GALNTL6: variants seen among roughly 807,000 people sequenced by gnomAD.
The protein encoded by GALNTL6 is polypeptide N-acetylgalactosaminyltransferase-like 6.
Under a neutral mutation model 73.7 loss-of-function variants are expected in GALNTL6, and 46 were observed. The observed-to-expected ratio is 0.62, with a 90% CI of 0.49 to 0.80. The LOEUF (loss-of-function observed/expected upper bound fraction) is 0.80, where lower values mean the gene tolerates loss of function less well. Among genes scored for constraint, GALNTL6 ranks in the 30% least tolerant of loss-of-function variants. The probability of loss-of-function intolerance (pLI) is 0.00; values close to 1 mark genes in which losing one functional copy is unlikely to be tolerated. For missense variants in GALNTL6, 604 were observed against 755.0 expected (o/e 0.80, Z 2.34); for synonymous variants, 259 against 263.7 (o/e 0.98, Z 0.17).
chr4:173,017,628 A>T (rs1752835881), intron 11 of GALNTL6, among the ~76,000 whole-genome samples: 1 of 152,226 alleles, frequency 6.6e-6, no homozygotes, highest in African/African-American at 2.4e-5. Flanking sequence ...AAAGTAATTG[A>T]TATAATCTGA....
At chr4:172,752,671 G>C (rs902262075) in intron 5 of GALNTL6, among the ~76,000 whole-genome samples, 1 of 151,942 alleles carries the variant, frequency 6.6e-6, no homozygotes, top group Non-Finnish European at 1.5e-5. Flanking sequence ...AGTCCCAGAA[G>C]TGGAATAACT....
chr4:172,224,128 A>G (rs756270930), intron 2 of GALNTL6, among the ~76,000 whole-genome samples: 1 of 152,202 alleles, frequency 6.6e-6, no homozygotes, highest in Non-Finnish European at 1.5e-5. Flanking sequence ...AATAGCAGGG[A>G]TGATGAAAAC....
Position 172,334,133 on chromosome 4 carries a change from ACTC to A in GALNTL6, c.387-14389_387-14387del, listed in dbSNP as rs543832701. 7.9e-4 allele frequency among the ~76,000 whole-genome samples: 120 copies of A among 151,794 alleles called. 2 individuals are homozygous for A. In the South Asian group the frequency reaches 0.016, roughly 20 times the overall value. On this transcript the variant is annotated intron_variant, in intron 4 of 12. Transcript: ENST00000506823. Reference sequence around the variant, plus strand: ...ACTTTACTCTACTCTACTCTACTCTACTCTACTTTGGTTACTATAGCCTTGTAA... The same window carrying A: ...ACTTTACTCTACTCTACTCTACTCTATACTTTGGTTACTATAGCCTTGTAA...
chr4:172,754,061 G>C (rs987998551), intron 5 of GALNTL6, among the ~76,000 whole-genome samples: 1 of 152,130 alleles, frequency 6.6e-6, no homozygotes, highest in African/African-American at 2.4e-5. Flanking sequence ...TTTACATAAG[G>C]ATTTAAATTT....
intron 4 of GALNTL6, among the ~76,000 whole-genome samples, chr4:172,325,943 C>T (rs1167721140): frequency 1.3e-5 from 2 of 151,688 alleles, no homozygotes; most frequent in Non-Finnish European, 3.0e-5. Context: ...AAATATTTAT[C>T]GAAACAGACC....
At chr4:172,381,833 C>G (rs1182331510) in intron 5 of GALNTL6, among the ~76,000 whole-genome samples, 5 of 152,120 alleles carry the variant, frequency 3.3e-5, no homozygotes, top group Non-Finnish European at 5.9e-5. Context: ...TGAAGAAAAT[C>G]ATTTTATTTA....
intron 2 of GALNTL6, among the ~76,000 whole-genome samples, chr4:171,923,711 G>T (rs960833268): frequency 6.6e-6 from 1 of 150,440 alleles, no homozygotes; most frequent in African/African-American, 2.4e-5. Context: ...TTTTAAAAAG[G>T]CTTACTGGAA....
rs964324869 is a variant in GALNTL6 at position 173,040,226 on chromosome 4, T to A, written c.*126T>A. ...GAAGGCTGGTTTAAAAATTTGCAAA[T>A]GCCATGTCAAAGTAGGTTGTTTTGA... On this transcript the variant is annotated 3_prime_UTR_variant, in exon 13 of 13. Transcript: ENST00000506823. 18 of 652,514 alleles carry A rather than the reference T, an allele frequency of 2.8e-5. No individual in the cohort carries two copies. Among genetic ancestry groups the A allele is most frequent in the Non-Finnish European group, 4.5e-5 (18 of 400,346 alleles). The allele number at this position is 652,514 out of a possible 1,614,324, so 40.4% of individuals were successfully genotyped here.
intron 3 of GALNTL6, among the ~76,000 whole-genome samples, chr4:172,246,455 GAC>G (rs1737663120): frequency 6.6e-6 from 1 of 151,980 alleles, no homozygotes; most frequent in African/African-American, 2.4e-5. Flanking sequence ...TACAAACAAA[GAC>G]ATTATTGGAT....
At chr4:172,450,449 C>A (rs1275456847) in intron 5 of GALNTL6, among the ~76,000 whole-genome samples, 1 of 152,216 alleles carries the variant, frequency 6.6e-6, no homozygotes, top group Non-Finnish European at 1.5e-5. Context: ...TCATCTTTCA[C>A]TGAACTGCTG....
chr4:172,514,725 G>A (rs756040759), intron 5 of GALNTL6, among the ~76,000 whole-genome samples: 6 of 152,152 alleles, frequency 3.9e-5, no homozygotes, highest in African/African-American at 1.2e-4. Flanking sequence ...TGTGAGATAC[G>A]GTCTGGAATG....
chr4:172,443,805 A>G (rs984361935), intron 5 of GALNTL6, among the ~76,000 whole-genome samples: 2 of 152,218 alleles, frequency 1.3e-5, no homozygotes, highest in Non-Finnish European at 2.9e-5. Context: ...AAACCTATAT[A>G]TATGGGATCT....
At chr4:172,018,275 C>A (rs1246430216) in intron 2 of GALNTL6, among the ~76,000 whole-genome samples, 3 of 151,894 alleles carry the variant, frequency 2.0e-5, no homozygotes, top group Non-Finnish European at 4.4e-5. Flanking sequence ...AGAAAGCTCC[C>A]AAGAGTTTAA....
At chr4:172,220,268 A>G (rs1194867837) in intron 2 of GALNTL6, among the ~76,000 whole-genome samples, 1 of 151,774 alleles carries the variant, frequency 6.6e-6, no homozygotes, top group African/African-American at 2.4e-5. Flanking sequence ...CCAGACACAT[A>G]TTAGGTACTC....
At chr4:172,293,428 A>T (rs761042772) in intron 3 of GALNTL6, among the ~76,000 whole-genome samples, 1 of 123,378 alleles carries the variant, frequency 8.1e-6, no homozygotes, top group Admixed American at 9.7e-5. Context: ...TATATGCATT[A>T]ATGACTCAAT....
chr4:172,392,938 C>T (rs969415983), intron 5 of GALNTL6, among the ~76,000 whole-genome samples: 7 of 152,184 alleles, frequency 4.6e-5, no homozygotes, highest in Non-Finnish European at 5.9e-5. Context: ...GGCGGGCCAG[C>T]AAGCATTACT....
At chr4:172,491,668 G>A (rs1733898181) in intron 5 of GALNTL6, among the ~76,000 whole-genome samples, 2 of 152,020 alleles carry the variant, frequency 1.3e-5, no homozygotes, top group Non-Finnish European at 2.9e-5. Flanking sequence ...AAATAGGCTG[G>A]AAAGATAAGG....
intron 2 of GALNTL6, among the ~76,000 whole-genome samples, chr4:172,016,265 T>G (rs1187515060): frequency 6.6e-6 from 1 of 152,088 alleles, no homozygotes; most frequent in African/African-American, 2.4e-5. Context: ...TTTTTTAAAA[T>G]TCTTTTCTCT....
chr4:172,309,854 T>C (rs1740285888), intron 3 of GALNTL6, among the ~76,000 whole-genome samples: 1 of 151,982 alleles, frequency 6.6e-6, no homozygotes, highest in African/African-American at 2.4e-5. Context: ...AACAATACAA[T>C]GAAGGTAAAA....
Sources: allele counts gnomAD v4.1 joint callset (sites outside exome capture counted in the v4.1 genomes callset), GRCh38; gene constraint gnomAD v4.1.1; transcripts MANE v1.5; gene names NCBI Gene and HGNC (gene_info 2026-07-23, HGNC 2026-07-21).